POLA1: variants seen among roughly 807,000 people sequenced by gnomAD.
POLA1 encodes DNA polymerase alpha 1, catalytic subunit.
POLA1 carries 15 observed loss-of-function variants against 124.0 expected under a neutral mutation model. The ratio of observed to expected loss-of-function variants is 0.12; its 90% CI spans 0.08 to 0.19. The LOEUF is 0.19. Ranked by LOEUF, POLA1 falls within the 10% of genes least tolerant of loss-of-function variation. POLA1 has a pLI of 1.00. For missense variants in POLA1, 886 were observed against 1,103.4 expected (o/e 0.80, Z 2.79); for synonymous variants, 408 against 389.4 (o/e 1.05, Z -0.56).
At chrX:24,724,197 C>T (rs1488053002) in intron 11 of POLA1, 138 bp from the exon 12 acceptor site, 4 of 394,649 alleles carry the variant, frequency 1.0e-5, no homozygotes, top group Non-Finnish European at 1.3e-5. Context: ...TATCTTTGAA[C>T]TTATCTGTAA....
At chrX:24,848,466 GA>G (rs1221160823) in intron 34 of POLA1, among the ~76,000 whole-genome samples, 4 of 111,743 alleles carry the variant, frequency 3.6e-5, no homozygotes, top group African/African-American at 1.3e-4. Flanking sequence ...AGTGTATGAA[GA>G]TTCCATATTA....
At chrX:24,732,562 A>T in intron 16 of POLA1, 108 bp downstream of exon 16, 1 of 437,974 alleles carries the variant, frequency 2.3e-6, no homozygotes, top group Non-Finnish European at 3.9e-6. Context: ...GTTTTCAAGA[A>T]TAGTGCATAT....
intron 36 of POLA1, among the ~76,000 whole-genome samples, chrX:24,993,611 G>T (rs1198669690): frequency 8.9e-6 from 1 of 111,849 alleles, no homozygotes; most frequent in Non-Finnish European, 1.9e-5. Flanking sequence ...GGCCTAACGT[G>T]GGTGGCCCAG....
At chrX:24,993,520 C>G (rs961250189) in intron 36 of POLA1, among the ~76,000 whole-genome samples, 1 of 112,403 alleles carries the variant, frequency 8.9e-6, no homozygotes, top group African/African-American at 3.2e-5. Context: ...CTGGCCTCCA[C>G]CAGTTAACAC....
intron 26 of POLA1, among the ~76,000 whole-genome samples, chrX:24,781,182 G>A (rs1028318109): frequency 9.0e-6 from 1 of 110,969 alleles, no homozygotes; most frequent in Non-Finnish European, 1.9e-5. Context: ...TTTTTCCAGC[G>A]ATGGTAGTCA....
At chrX:24,908,749 C>G (rs1442087481) in intron 35 of POLA1, among the ~76,000 whole-genome samples, 1 of 111,295 alleles carries the variant, frequency 9.0e-6, no homozygotes, top group Non-Finnish European at 1.9e-5. Context: ...GGTATATACC[C>G]AGTAATGGGA....
intron 36 of POLA1, among the ~76,000 whole-genome samples, chrX:24,967,058 TC>T (rs1416828655): frequency 9.0e-6 from 1 of 111,467 alleles, no homozygotes; most frequent in East Asian, 2.8e-4. Context: ...ACTCTAAATG[TC>T]ATGATTCATG....
At chrX:24,927,555 A>G (rs182593915) in intron 35 of POLA1, among the ~76,000 whole-genome samples, 1,128 of 111,669 alleles carry the variant, frequency 0.01, 8 homozygotes, top group Non-Finnish European at 0.015. Context: ...AGCGTGATAC[A>G]TACAGTAGCT....
At chrX:24,706,291 A>G (rs1370479287) in intron 4 of POLA1, among the ~76,000 whole-genome samples, 2 of 111,646 alleles carry the variant, frequency 1.8e-5, no homozygotes, top group Non-Finnish European at 3.8e-5. Context: ...TGGCTCCATC[A>G]GTCTTTGAGG....
At chrX:24,762,110 A>G (rs931132858) in intron 26 of POLA1, among the ~76,000 whole-genome samples, 4 of 111,961 alleles carry the variant, frequency 3.6e-5, no homozygotes, top group African/African-American at 1.3e-4. Context: ...GGGGTGCTAG[A>G]TGATGATAAT....
At chrX:24,723,366 T>G in intron 11 of POLA1, 99 bp downstream of exon 11, 1 of 533,383 alleles carries the variant, frequency 1.9e-6, no homozygotes. Context: ...GGCTACAAAT[T>G]CTCTACAATC....
intron 34 of POLA1, among the ~76,000 whole-genome samples, chrX:24,874,937 A>G (rs1239102129): frequency 8.9e-6 from 1 of 111,856 alleles, no homozygotes; most frequent in Non-Finnish European, 1.9e-5. Flanking sequence ...CTTCCATCCT[A>G]TAGTGGTCTT....
chrX:24,716,592 A>G (rs1929858752), intron 7 of POLA1, 138 bp downstream of exon 7: 1 of 441,012 alleles, frequency 2.3e-6, no homozygotes, highest in African/African-American at 2.5e-5. Context: ...TTCAATTTAT[A>G]GTTTCATGTA....
intron 35 of POLA1, among the ~76,000 whole-genome samples, chrX:24,916,287 C>CTTTTT (rs1301083848): frequency 1.2e-4 from 11 of 95,162 alleles, no homozygotes; most frequent in African/African-American, 4.0e-4. Flanking sequence ...TTTCTTTTTT[C>CTTTTT]TTTTTTTTTT....
In POLA1 at chrX:24,812,288, C is replaced by G. The variant is rs181178590; in HGVS notation, c.3091-370C>G. Among the ~76,000 whole-genome samples, 5 of 112,464 alleles carry G rather than the reference C, an allele frequency of 4.4e-5. No homozygotes were observed. The East Asian group carries it at 8.3e-4, about 19-fold the overall frequency. Reference sequence around the variant, plus strand: ...ATATTTAGTTGTTGGACTGTCTATTCACTAACTAACTGAATAGTTTGAAGG... The same window carrying G: ...ATATTTAGTTGTTGGACTGTCTATTGACTAACTAACTGAATAGTTTGAAGG... On this transcript the variant is annotated intron_variant, in intron 28 of 36. Coordinates refer to ENST00000379068, the MANE Select transcript of POLA1 (RefSeq NM_001330360.2).
intron 26 of POLA1, chrX:24,788,925 A>G (rs2045431169): frequency 8.3e-7 from 1 of 1,205,395 alleles, no homozygotes; most frequent in Non-Finnish European, 1.1e-6. Context: ...GCATGACACA[A>G]GTCGGCAGGC....
chrX:24,962,285 G>T (rs991733648), intron 36 of POLA1, among the ~76,000 whole-genome samples: 2 of 111,251 alleles, frequency 1.8e-5, no homozygotes, highest in Non-Finnish European at 1.9e-5. Flanking sequence ...AAAGTAGTTT[G>T]ACTGTATACT....
chrX:24,781,133 A>G (rs1015693633), intron 26 of POLA1, among the ~76,000 whole-genome samples: 1 of 111,540 alleles, frequency 9.0e-6, no homozygotes, highest in Non-Finnish European at 1.9e-5. Flanking sequence ...TAATGGTGTC[A>G]TCTCTTATTG....
intron 4 of POLA1, among the ~76,000 whole-genome samples, chrX:24,706,291 AGTC>A (rs1328123707): frequency 2.7e-5 from 3 of 111,646 alleles, no homozygotes; most frequent in Non-Finnish European, 5.6e-5. Context: ...TGGCTCCATC[AGTC>A]TTTGAGGATT....
Sources: allele counts gnomAD v4.1 joint callset (sites outside exome capture counted in the v4.1 genomes callset), GRCh38; gene constraint gnomAD v4.1.1; transcripts MANE v1.5; gene names NCBI Gene and HGNC (gene_info 2026-07-23, HGNC 2026-07-21).